SLC43A2: variants seen among roughly 807,000 people sequenced by gnomAD.
SLC43A2 encodes solute carrier family 43 member 2.
A neutral mutation model predicts 63.2 loss-of-function variants in SLC43A2; 38 were observed. That is an observed-to-expected ratio of 0.60 (90% confidence interval 0.46 to 0.79). SLC43A2 has a LOEUF of 0.79. Ranked by LOEUF, SLC43A2 falls within the 30% of genes least tolerant of loss-of-function variation. The pLI is 0.00. For synonymous variants in SLC43A2, 322 were observed against 331.0 expected (o/e 0.97, Z 0.30); for missense variants, 644 against 756.2 (o/e 0.85, Z 1.74).
chr17:1,589,302 T>G (rs1392186578), intron 9 of SLC43A2, among the ~76,000 whole-genome samples: 1 of 152,136 alleles, frequency 6.6e-6, no homozygotes, highest in Non-Finnish European at 1.5e-5. Flanking sequence ...TTTCCGCCAC[T>G]CCAGGGCTGA....
chr17:1,628,586 G>A (rs1009712441), intron 1 of SLC43A2, among the ~76,000 whole-genome samples: 1 of 152,174 alleles, frequency 6.6e-6, no homozygotes, highest in Non-Finnish European at 1.5e-5. Context: ...CATCTCGGGC[G>A]TTCCCCCGGC....
At chr17:1,592,070 C>T (rs901940052) in intron 6 of SLC43A2, among the ~76,000 whole-genome samples, 2 of 152,220 alleles carry the variant, frequency 1.3e-5, no homozygotes, top group Non-Finnish European at 1.5e-5. Context: ...AGGCGGGAAC[C>T]GGCCAGCCCC....
In SLC43A2 at chr17:1,593,030, T is replaced by G. The variant is rs956838501; in HGVS notation, c.594+157A>C. Reference sequence around the variant, plus strand: ...GTCCCCTGAGGCCCCGCGGTTTTCATTTGTCGCCCCTGTGATGCCCAGGTG... The same window carrying G: ...GTCCCCTGAGGCCCCGCGGTTTTCAGTTGTCGCCCCTGTGATGCCCAGGTG... On this transcript the variant is annotated intron_variant, in intron 6 of 13. Coordinates refer to ENST00000301335, the MANE Select transcript of SLC43A2 (RefSeq NM_152346.3). This position sits in a 1 kb window ranked among gnomAD's most constrained non-coding sequence, Gnocchi z 5.3. 6.6e-6 allele frequency among the ~76,000 whole-genome samples: 1 copy of G among 151,854 alleles called. No individual in the cohort carries two copies. Among genetic ancestry groups the G allele is most frequent in the African/African-American group, 2.4e-5 (1 of 41,350 alleles).
chr17:1,611,123 T>G (rs1233990608), intron 5 of SLC43A2, among the ~76,000 whole-genome samples: 2 of 151,254 alleles, frequency 1.3e-5, no homozygotes, highest in Non-Finnish European at 2.9e-5. Flanking sequence ...GGATTACAGG[T>G]GTGAGCCACC....
chr17:1,600,219 C>T (rs561043163), intron 5 of SLC43A2, among the ~76,000 whole-genome samples: 15 of 125,560 alleles, frequency 1.2e-4, no homozygotes, highest in East Asian at 5.2e-4. Context: ...AGTGCTATCT[C>T]GGCTCACTGC....
intron 2 of SLC43A2, among the ~76,000 whole-genome samples, chr17:1,622,282 G>A (rs1249368552): frequency 5.3e-5 from 8 of 152,224 alleles, no homozygotes; most frequent in Non-Finnish European, 2.9e-5. Context: ...AAAGCTATCC[G>A]GCTGGGCGCG....
intron 5 of SLC43A2, among the ~76,000 whole-genome samples, chr17:1,594,741 C>G (rs958473060): frequency 1.3e-5 from 2 of 151,414 alleles, no homozygotes; most frequent in African/African-American, 4.9e-5. Context: ...GCGCCCGCCA[C>G]CACACCCGGC....
rs546872246 is a variant in SLC43A2 at position 1,591,031 on chromosome 17, G to A, written c.932-83C>T. On this transcript the variant is annotated intron_variant, in intron 8 of 13. Transcript: ENST00000301335. ...GACACGCAGATCCCTCCACGCTGGA[G>A]GCCAGGAGGGGGCCCTCGGGACGGG... 41 of 1,445,224 alleles carry A rather than the reference G, an allele frequency of 2.8e-5. No individual in the cohort carries two copies. The African/African-American group carries it at 4.4e-4, about 15-fold the overall frequency. 89.5% of individuals were successfully genotyped at this position (1,445,224 alleles called of 1,614,324 possible). A position where few individuals can be genotyped will look rare whatever the true frequency, so the allele number is the denominator to read the frequency against.
chr17:1,626,337 T>C lies in SLC43A2; in HGVS notation c.160+1378A>G, dbSNP rs560222645. ...CAGGCATTAATCTCCTAACAACTCTTGGCCAAAGCAGAAAGCTTGTTCAGG... is the reference window on the plus strand; with the variant it reads ...CAGGCATTAATCTCCTAACAACTCTCGGCCAAAGCAGAAAGCTTGTTCAGG... On this transcript the variant is annotated intron_variant, in intron 2 of 13. Transcript: ENST00000301335. Among the ~76,000 whole-genome samples, 85 of 152,182 alleles carry C rather than the reference T, an allele frequency of 5.6e-4. 1 individual carries two copies. The highest frequency in any genetic ancestry group is 1.2e-3 in the South Asian group (6 of 4,824).
At chr17:1,584,374 C>T (rs2076068934) in intron 10 of SLC43A2, among the ~76,000 whole-genome samples, 1 of 152,170 alleles carries the variant, frequency 6.6e-6, no homozygotes, top group Non-Finnish European at 1.5e-5. Flanking sequence ...CCAGCCTCAG[C>T]TCCCTCATCT....
At chr17:1,585,241 C>T (rs1366894576) in intron 10 of SLC43A2, 11 of 995,260 alleles carry the variant, frequency 1.1e-5, no homozygotes, top group Non-Finnish European at 1.3e-5. Flanking sequence ...AATGCTTCTT[C>T]TTTATTGTTT....
At chr17:1,586,928 T>TGCCCCCCCCCCCC in intron 9 of SLC43A2, 5 of 1,232,906 alleles carry the variant, frequency 4.1e-6, no homozygotes, top group Non-Finnish European at 5.6e-6. Flanking sequence ...TCCCTGACAA[T>TGCCCCCCCCCCCC]CCCCCCCACC....
At chr17:1,625,529 G>T (rs1908583646) in intron 2 of SLC43A2, among the ~76,000 whole-genome samples, 1 of 152,168 alleles carries the variant, frequency 6.6e-6, no homozygotes, top group African/African-American at 2.4e-5. Flanking sequence ...CACCAAGTTT[G>T]AAAATGTTAG....
rs149438081 is a variant in SLC43A2, at chr17:1,621,524, C to T, written c.161-4755G>A. Among the ~76,000 whole-genome samples, 1,224 of 152,312 alleles carry T rather than the reference C, an allele frequency of 8.0e-3. 12 individuals are homozygous for T. Among genetic ancestry groups the T allele is most frequent in the Middle Eastern group, 0.017 (5 of 294 alleles). ...TGTAGGTGAGAGGTCGGCTCAGACA[C>T]AGAGCAAACAACAGGCAGGAGGGCA... On this transcript the variant is annotated intron_variant, in intron 2 of 13. Coordinates refer to ENST00000301335, the MANE Select transcript of SLC43A2 (RefSeq NM_152346.3).
At chr17:1,590,734 G>A (rs973812064) in intron 9 of SLC43A2, 68 bp downstream of exon 9, 40 of 1,537,440 alleles carry the variant, frequency 2.6e-5, no homozygotes, top group African/African-American at 4.1e-5. Flanking sequence ...AACACATTCT[G>A]GCCGGTGGCC....
intron 2 of SLC43A2, 55 bp downstream of exon 2, chr17:1,627,660 C>T: frequency 1.2e-6 from 1 of 812,634 alleles, no homozygotes; most frequent in Non-Finnish European, 1.8e-6. Flanking sequence ...CCATCCCGCC[C>T]CCTCCCAAAG....
intron 2 of SLC43A2, among the ~76,000 whole-genome samples, chr17:1,620,006 C>T (rs1011118528): frequency 1.3e-5 from 2 of 152,178 alleles, no homozygotes; most frequent in African/African-American, 4.8e-5. Context: ...CCAGTTACCC[C>T]AGGGAGGAAC....
intron 4 of SLC43A2, among the ~76,000 whole-genome samples, chr17:1,614,734 C>G (rs536295846): frequency 3.3e-5 from 5 of 152,272 alleles, no homozygotes; most frequent in African/African-American, 1.2e-4. Flanking sequence ...CAGTGAGGGA[C>G]TGGCTTGGTT....
intron 10 of SLC43A2, chr17:1,585,237 T>G (rs996837953): frequency 7.0e-6 from 7 of 994,704 alleles, no homozygotes; most frequent in Non-Finnish European, 7.2e-6. Flanking sequence ...ACTCAATGCT[T>G]CTTCTTTATT....
Sources: allele counts gnomAD v4.1 joint callset (sites outside exome capture counted in the v4.1 genomes callset), GRCh38; gene constraint gnomAD v4.1.1; non-coding constraint Gnocchi (gnomAD v3.1); transcripts MANE v1.5; gene names NCBI Gene and HGNC (gene_info 2026-07-23, HGNC 2026-07-21).